Variants in TEK observed in about 807,000 individuals in gnomAD.
The protein encoded by TEK is TEK receptor tyrosine kinase.
Under a neutral mutation model 131.8 loss-of-function variants are expected in TEK, and 43 were observed. That is an observed-to-expected ratio of 0.33 (90% CI 0.26 to 0.42). The LOEUF is 0.42. TEK is among the 10% of genes least tolerant of loss of function. The pLI, the probability that TEK is intolerant of heterozygous loss-of-function variation, is 1.00. For missense variants in TEK, 1,162 were observed against 1,384.4 expected, an observed-to-expected ratio of 0.84 and a Z score of 2.55; for synonymous variants, 580 against 491.6, an observed-to-expected ratio of 1.18 and a Z score of -2.38.
chr9:27,197,648 C>G, intron 12 of TEK, 49 bp downstream of exon 12: 1 of 1,607,740 alleles, frequency 6.2e-7, no homozygotes, highest in East Asian at 2.2e-5. Flanking sequence ...AAGGGGCTAC[C>G]GCCATGCAGA....
chr9:27,164,129 C>T (rs546310143), intron 2 of TEK, among the ~76,000 whole-genome samples: 41 of 152,250 alleles, frequency 2.7e-4, no homozygotes, highest in Non-Finnish European at 5.0e-4. Context: ...GGTTCAAATC[C>T]TGGCTCTCCC....
At chr9:27,159,570 T>C (rs1823470215) in intron 2 of TEK, among the ~76,000 whole-genome samples, 1 of 152,196 alleles carries the variant, frequency 6.6e-6, no homozygotes, top group Non-Finnish European at 1.5e-5. Context: ...CGGAGGATTT[T>C]GAAAGCCTCC....
intron 14 of TEK, 150 bp from the exon 15 acceptor site, chr9:27,206,432 C>A: frequency 1.1e-6 from 1 of 938,488 alleles, no homozygotes. Context: ...CAGGGCAGTC[C>A]TGTGTGATGA....
At chr9:27,145,110 C>G (rs917050995) in intron 1 of TEK, among the ~76,000 whole-genome samples, 3 of 152,154 alleles carry the variant, frequency 2.0e-5, no homozygotes, top group African/African-American at 7.2e-5. Flanking sequence ...GGCAAAGACC[C>G]AAGAAGCAAC....
intron 12 of TEK, 39 bp downstream of exon 12, chr9:27,197,638 A>C: frequency 6.2e-7 from 1 of 1,611,990 alleles, no homozygotes; most frequent in African/African-American, 1.3e-5. Flanking sequence ...TCTGAGCAAT[A>C]AGGGGCTACC....
At chr9:27,155,928 G>A (rs748861010) in intron 1 of TEK, among the ~76,000 whole-genome samples, 63 of 151,236 alleles carry the variant, frequency 4.2e-4, no homozygotes, top group Non-Finnish European at 5.5e-4. Flanking sequence ...TCAGCCTCCC[G>A]AGTAGCTGGG....
chr9:27,173,415 GA>G, intron 6 of TEK, 53 bp downstream of exon 6: 1 of 1,611,670 alleles, frequency 6.2e-7, no homozygotes, highest in South Asian at 1.1e-5. Context: ...GTATATAAAG[GA>G]GATCCAGTTT....
At chr9:27,190,264 G>A (rs1824762172) in intron 9 of TEK, among the ~76,000 whole-genome samples, 1 of 152,060 alleles carries the variant, frequency 6.6e-6, no homozygotes, top group Admixed American at 6.6e-5. Flanking sequence ...ATGAATTTTT[G>A]GTTTTATCCT....
chr9:27,160,576 G>A (rs138264211), intron 2 of TEK, among the ~76,000 whole-genome samples: 170 of 152,268 alleles, frequency 1.1e-3, no homozygotes, highest in African/African-American at 3.8e-3. Flanking sequence ...CATGGACCAC[G>A]CTTTGAGTAG....
At chr9:27,197,158 A>G (rs1166177983) in intron 11 of TEK, among the ~76,000 whole-genome samples, 157 bp from the exon 12 acceptor site, 2 of 151,852 alleles carry the variant, frequency 1.3e-5, no homozygotes, top group Non-Finnish European at 2.9e-5. Flanking sequence ...ATGGTACTAA[A>G]CCATTCATGG....
intron 1 of TEK, among the ~76,000 whole-genome samples, chr9:27,121,743 C>T (rs1821799030): frequency 6.6e-6 from 1 of 152,018 alleles, no homozygotes; most frequent in South Asian, 2.1e-4. Flanking sequence ...GATATGTAGA[C>T]TCAGTAAGAA....
intron 1 of TEK, among the ~76,000 whole-genome samples, chr9:27,113,340 C>T (rs1046598631): frequency 2.6e-5 from 4 of 152,146 alleles, no homozygotes; most frequent in South Asian, 2.1e-4. Context: ...ACCTGTAATA[C>T]AGCACTTTGG....
intron 12 of TEK, among the ~76,000 whole-genome samples, chr9:27,200,991 C>G (rs1825194390): frequency 1.3e-5 from 2 of 152,174 alleles, no homozygotes; most frequent in South Asian, 4.1e-4. Flanking sequence ...CTACAAATGT[C>G]TTGCACTTGT....
At chr9:27,181,842 A>T (rs528396332) in intron 7 of TEK, among the ~76,000 whole-genome samples, 29 of 152,336 alleles carry the variant, frequency 1.9e-4, no homozygotes, top group African/African-American at 6.3e-4. Context: ...AATCATATAA[A>T]TATAAATGCC....
chr9:27,192,626 C>A lies in TEK; in HGVS notation c.1624+3C>A. ...ACGCTTCACAACAGCTTCTATCGGT[C>A]AGTGGAAGCCAACAGGCATTTATTC... On this transcript the variant is annotated splice_donor_region_variant and intron_variant, in intron 11 of 22. Coordinates refer to ENST00000380036, the MANE Select transcript of TEK (RefSeq NM_000459.5). 1 of 1,583,228 alleles carries A rather than the reference C, an allele frequency of 6.3e-7. No individual in the cohort carries two copies. Among genetic ancestry groups the A allele is most frequent in the South Asian group, 1.1e-5 (1 of 90,608 alleles).
chr9:27,229,015 G>C, intron 22 of TEK, 143 bp from the exon 23 acceptor site: 2 of 752,258 alleles, frequency 2.7e-6, no homozygotes, highest in South Asian at 2.8e-5. Context: ...ATACAACAGA[G>C]GGACTGAGGA....
In TEK at chr9:27,173,386, A is replaced by G. The variant is rs377120500; in HGVS notation, c.901+24A>G. On this transcript the variant is annotated intron_variant, in intron 6 of 22. Coordinates refer to ENST00000380036, the MANE Select transcript of TEK (RefSeq NM_000459.5). Reference sequence around the variant, plus strand: ...AGGTATGCACCAATCACACCCTTGGACAGAGGATGTTCTAGCAGGTATATA... The same window carrying G: ...AGGTATGCACCAATCACACCCTTGGGCAGAGGATGTTCTAGCAGGTATATA... The G allele has an allele frequency of 2.2e-4, 356 of 1,613,490 alleles. 1 individual carries two copies. The highest frequency in any genetic ancestry group is 2.9e-4 in the Non-Finnish European group (338 of 1,179,718).
intron 8 of TEK, 55 bp from the exon 9 acceptor site, chr9:27,185,430 C>T: frequency 6.2e-7 from 1 of 1,609,274 alleles, no homozygotes; most frequent in South Asian, 1.1e-5. Flanking sequence ...TGTTATGGAC[C>T]TTTGCGTTTA....
At chr9:27,205,117 G>T in intron 14 of TEK, 52 bp downstream of exon 14, 1 of 1,608,168 alleles carries the variant, frequency 6.2e-7, no homozygotes, top group African/African-American at 1.3e-5. Context: ...AGTACAGGCA[G>T]AACCTTCACT....
Sources: gnomAD v4.1 joint callset for allele counts (sites outside exome capture counted in the v4.1 genomes callset) on GRCh38, gnomAD v4.1.1 for gene constraint, MANE v1.5 for transcripts, NCBI Gene and HGNC (gene_info 2026-07-23, HGNC 2026-07-21) for gene names.